Variants in ZNF814 observed in about 807,000 individuals in gnomAD.
The protein encoded by ZNF814 is zinc finger protein 814.
ZNF814 carries 5 observed loss-of-function variants against 7.5 expected under a neutral mutation model. The ratio of observed to expected loss-of-function variants is 0.67; its 90% CI spans 0.35 to 1.40. ZNF814 has a LOEUF of 1.40. Among genes scored for constraint, ZNF814 ranks in the 40% most tolerant of loss-of-function variants. The pLI, the probability that ZNF814 is intolerant of heterozygous loss-of-function variation, is 0.04. For missense variants in ZNF814, 962 were observed against 1,018.0 expected, an observed-to-expected ratio of 0.94 and a Z score of 0.75; for synonymous variants, 315 against 340.7, an observed-to-expected ratio of 0.92 and a Z score of 0.83.
upstream of ZNF814, among the ~76,000 whole-genome samples, chr19:57,893,748 G>A (rs369377435): frequency 2.6e-4 from 39 of 151,570 alleles, no homozygotes; most frequent in African/African-American, 7.5e-4. Context: ...GTAAAACCCC[G>A]TCTCTACTAA....
chr19:57,883,575 C>G (rs755146993), intron 1 of ZNF814, among the ~76,000 whole-genome samples: 5 of 150,536 alleles, frequency 3.3e-5, no homozygotes, highest in South Asian at 2.1e-4. Context: ...GCAGGAGAAT[C>G]GCTTGAACCT....
the ZNF814 span, chr19:57,901,612 T>C: frequency 2.5e-6 from 1 of 398,492 alleles, no homozygotes; most frequent in Admixed American, 4.4e-5. Context: ...AGTGATGGCA[T>C]GAATGAAAAT....
the ZNF814 span, among the ~76,000 whole-genome samples, chr19:57,894,782 C>T: frequency 1.4e-3 from 210 of 150,520 alleles, no homozygotes; most frequent in Non-Finnish European, 2.4e-3. Flanking sequence ...TGCAGTGAGC[C>T]GAGATTGCAC....
chr19:57,878,252 C>G (rs899767227), intron 1 of ZNF814, among the ~76,000 whole-genome samples: 6 of 150,718 alleles, frequency 4.0e-5, no homozygotes, highest in Non-Finnish European at 7.4e-5. Context: ...ATGGGGGTTG[C>G]ATTGTGGATA....
At chr19:57,878,197 A>G (rs1416127264) in intron 1 of ZNF814, among the ~76,000 whole-genome samples, 1 of 150,038 alleles carries the variant, frequency 6.7e-6, no homozygotes, top group Non-Finnish European at 1.5e-5. Context: ...AATCAAATAT[A>G]TTAACAGCCT....
rs1489101038 is a variant in ZNF814, at chr19:57,873,648, C to T, written c.1742G>A (p.Cys581Tyr). 6.2e-7 allele frequency: 1 copy of T among 1,614,130 alleles called. No individual in the cohort carries two copies. The highest frequency in any genetic ancestry group is 2.2e-5 in the East Asian group (1 of 44,870). The part of the protein sequence containing the change: ...PRERSYGCGE[C>Y]GKSFSSIGHL... ...CCCGATTGAACTAAAAGATTTCCCA[C>T]ATTCTCCACACCCATAAGATCTTTC... Residue 581 changes from cysteine to tyrosine, a missense_variant, in exon 3 of 3, where the codon TGT becomes TAT. Cys to Tyr is a radical substitution (Grantham distance 194, BLOSUM62 -2). This residue lies in a region of ZNF814 where 665 missense variants were observed against 551.4 expected (regional missense o/e 1.21). Coordinates refer to ENST00000435989, the MANE Select transcript of ZNF814 (RefSeq NM_001144989.2).
intron 1 of ZNF814, among the ~76,000 whole-genome samples, chr19:57,879,218 C>T (rs961321398): frequency 6.6e-6 from 1 of 150,934 alleles, no homozygotes; most frequent in African/African-American, 2.4e-5. Flanking sequence ...CATGGCTCCA[C>T]AGAAACACAG....
chr19:57,904,149 T>C, the ZNF814 span, among the ~76,000 whole-genome samples: 1 of 152,184 alleles, frequency 6.6e-6, no homozygotes, highest in Non-Finnish European at 1.5e-5. Context: ...ATTGATTGTA[T>C]CTTGAATTAG....
rs1459217815 is a variant in ZNF814 at position 57,871,228 on chromosome 19, TCAAAAAATGCCAGAAATTGTCA to T, written c.*1572_*1593del. 6.6e-6 allele frequency: 1 copy of T among 151,842 alleles called. No homozygotes were observed. Among genetic ancestry groups the T allele is most frequent in the African/African-American group, 2.4e-5 (1 of 41,146 alleles). 9.4% of individuals were successfully genotyped at this position (151,842 alleles called of 1,614,324 possible). The stretch of plus-strand genomic sequence containing the variant: ...ACCTCGTAAAAGAATTTTGTCTTGT[TCAAAAAATGCCAGAAATTGTCA>T]CAAAAAATGCCCTGTATCCAGCTGA... On this transcript the variant is annotated 3_prime_UTR_variant, in exon 3 of 3. Transcript: ENST00000435989.
At chr19:57,901,736 A>T in the ZNF814 span, 2 of 398,560 alleles carry the variant, frequency 5.0e-6, no homozygotes, top group Non-Finnish European at 8.8e-6. Context: ...AGAACAAATC[A>T]AAAACAACTA....
At chr19:57,892,198 G>C (rs751385774), upstream of ZNF814, among the ~76,000 whole-genome samples, 28 of 152,150 alleles carry the variant, frequency 1.8e-4, no homozygotes, top group Non-Finnish European at 8.8e-5. Flanking sequence ...CTCATATTTG[G>C]CTCAGAATAA....
intron 1 of ZNF814, among the ~76,000 whole-genome samples, chr19:57,878,025 G>A (rs1046101005): frequency 2.0e-5 from 3 of 151,888 alleles, no homozygotes; most frequent in Admixed American, 6.6e-5. Flanking sequence ...AATTAGCTGA[G>A]CGTGGTGTCG....
chr19:57,883,680 A>T (rs1354395110), intron 1 of ZNF814, among the ~76,000 whole-genome samples: 3 of 152,084 alleles, frequency 2.0e-5, no homozygotes, highest in Non-Finnish European at 2.9e-5. Flanking sequence ...AAAAAAATCA[A>T]AATGGATTAA....
Position 57,873,543 on chromosome 19 carries a change from TTA to T in ZNF814, c.1845_1846del (p.His615GlnfsTer27), listed in dbSNP as rs766380373. On this transcript the variant is annotated frameshift_variant, in exon 3 of 3. Transcript: ENST00000435989. LOFTEE classifies it low-confidence loss of function (END_TRUNC). ...GCGCTGATGGTGAACAAGGCTGCGCTTATGACTAAAAGATTTCCCACATTCTC... is the reference window on the plus strand; with the variant it reads ...GCGCTGATGGTGAACAAGGCTGCGCTTGACTAAAAGATTTCCCACATTCTC... 6.2e-7 allele frequency: 1 copy of T among 1,614,140 alleles called. No individual in the cohort carries two copies. The highest frequency in any genetic ancestry group is 1.1e-5 in the South Asian group (1 of 91,076).
At position 57,888,569 on chromosome 19, in the gene ZNF814, G is replaced by A. The variant is rs150242312; in HGVS notation, c.36+198C>T. ...TCCTTCTGGCTCAGTTCACTTCCAG[G>A]CCTTTGCCCGCGCCAGTCCCTGTAC... On this transcript the variant is annotated intron_variant, in intron 1 of 2. Transcript: ENST00000435989. 1.9e-3 allele frequency among the ~76,000 whole-genome samples: 289 copies of A among 152,208 alleles called. 8 individuals carry two copies. In the East Asian group the frequency reaches 0.05, roughly 26 times the overall value.
At chr19:57,877,260 G>A (rs563834554) in intron 1 of ZNF814, among the ~76,000 whole-genome samples, 16 of 152,044 alleles carry the variant, frequency 1.1e-4, no homozygotes, top group Non-Finnish European at 2.1e-4. Flanking sequence ...CCTCCTGACA[G>A]GCACTTTCCC....
chr19:57,894,634 C>A, the ZNF814 span, among the ~76,000 whole-genome samples: 1 of 151,654 alleles, frequency 6.6e-6, no homozygotes, highest in Non-Finnish European at 1.5e-5. Context: ...TCCAGACCAT[C>A]CTGGCTAACA....
In ZNF814 at chr19:57,885,994, A is replaced by T. The variant is rs939614315; in HGVS notation, c.36+2773T>A. 5.9e-5 allele frequency: 9 copies of T among 151,880 alleles called. No individual in the cohort carries two copies. The South Asian group carries it at 1.2e-3, about 21-fold the overall frequency. 9.4% of individuals were successfully genotyped at this position (151,880 alleles called of 1,614,324 possible). A position where few individuals can be genotyped will look rare whatever the true frequency, so the allele number is the denominator to read the frequency against. On this transcript the variant is annotated intron_variant, in intron 1 of 2. Coordinates refer to ENST00000435989, the MANE Select transcript of ZNF814 (RefSeq NM_001144989.2). Reference sequence around the variant, plus strand: ...CCTTCTCAAAAAAAAAAAAACAAAAAAACAAAATAACTCCTGTAACTCATA... The same window carrying T: ...CCTTCTCAAAAAAAAAAAAACAAAATAACAAAATAACTCCTGTAACTCATA...
intron 1 of ZNF814, chr19:57,885,981 A>AAAC (rs1555777997): frequency 7.3e-5 from 11 of 151,372 alleles, no homozygotes; most frequent in Admixed American, 4.6e-4. Flanking sequence ...TTCTCAAAAA[A>AAAC]AAAAAAACAA....
Sources: allele counts gnomAD v4.1 joint callset (sites outside exome capture counted in the v4.1 genomes callset), GRCh38; gene constraint gnomAD v4.1.1; regional missense constraint gnomAD v4.1.1; transcripts MANE v1.5; gene names NCBI Gene and HGNC (gene_info 2026-07-23, HGNC 2026-07-21).